ZNF407: variants seen among roughly 807,000 people sequenced by gnomAD.
The protein encoded by ZNF407 is zinc finger protein 407.
In ZNF407, 17 loss-of-function variants were observed where a neutral mutation model predicts 131.2. The ratio of observed to expected loss-of-function variants is 0.13; its 90% CI spans 0.09 to 0.19. The LOEUF (loss-of-function observed/expected upper bound fraction) is 0.19, where lower values mean the gene tolerates loss of function less well. ZNF407 is among the 10% of genes least tolerant of loss of function. ZNF407 has a pLI of 1.00. For synonymous variants in ZNF407, 1,156 were observed against 1,062.0 expected (o/e 1.09, Z -1.72); for missense variants, 2,681 against 2,830.6 (o/e 0.95, Z 1.20).
chr18:74,830,648 A>G (rs1396831995), intron 4 of ZNF407, among the ~76,000 whole-genome samples: 3 of 152,174 alleles, frequency 2.0e-5, no homozygotes, highest in Non-Finnish European at 2.9e-5. Context: ...GATGTAATGT[A>G]TGGCGTATGT....
At chr18:74,712,006 C>T (rs904830638) in intron 3 of ZNF407, among the ~76,000 whole-genome samples, 2 of 152,122 alleles carry the variant, frequency 1.3e-5, no homozygotes, top group East Asian at 1.9e-4. Flanking sequence ...CACTGCCTCC[C>T]GCCCTTATTA....
intron 8 of ZNF407, among the ~76,000 whole-genome samples, chr18:75,006,811 A>G (rs149877841): frequency 1.0e-3 from 153 of 152,238 alleles, no homozygotes; most frequent in African/African-American, 3.0e-3. Context: ...GTTTTTTACT[A>G]CAAGTGTGAT....
chr18:74,841,068 C>G (rs1970625908), intron 4 of ZNF407, among the ~76,000 whole-genome samples: 1 of 152,266 alleles, frequency 6.6e-6, no homozygotes, highest in South Asian at 2.1e-4. Context: ...CTCTCCTGCA[C>G]TGCTCCGGTG....
At chr18:74,649,521 A>G (rs144305350) in intron 3 of ZNF407, among the ~76,000 whole-genome samples, 1 of 152,356 alleles carries the variant, frequency 6.6e-6, no homozygotes, top group East Asian at 1.9e-4. Context: ...AAAAATTGGA[A>G]TGTGTTTAAA....
At chr18:74,649,016 TC>T (rs1341680194) in intron 3 of ZNF407, among the ~76,000 whole-genome samples, 1 of 152,316 alleles carries the variant, frequency 6.6e-6, no homozygotes, top group East Asian at 1.9e-4. Flanking sequence ...GTCTCCTCTT[TC>T]CCCTGCCTTA....
intron 3 of ZNF407, among the ~76,000 whole-genome samples, chr18:74,696,567 G>T (rs902017678): frequency 6.6e-6 from 1 of 152,138 alleles, no homozygotes; most frequent in African/African-American, 2.4e-5. Flanking sequence ...ATGCCTCCAC[G>T]GAACTTTTCT....
chr18:74,700,713 TAGGAG>T (rs1483742751), intron 3 of ZNF407, among the ~76,000 whole-genome samples: 8 of 152,234 alleles, frequency 5.3e-5, no homozygotes, highest in African/African-American at 1.9e-4. Flanking sequence ...ATACTCATTT[TAGGAG>T]AGGAGAGAAG....
chr18:74,632,292 A>C lies in ZNF407; in HGVS notation c.1273A>C (p.Asn425His), dbSNP rs547761211. 4.3e-6 allele frequency: 7 copies of C among 1,613,944 alleles called. No homozygotes were observed. The East Asian group carries it at 1.6e-4, about 36-fold the overall frequency. The change falls in exon 2 of 9, where the codon AAT becomes CAT. Residue 425 changes from asparagine (N) to histidine (H), a missense_variant. This residue lies in a region of ZNF407 where 1,789 missense variants were observed against 1,748.7 expected (regional missense o/e 1.02). Coordinates refer to ENST00000299687, the MANE Select transcript of ZNF407 (RefSeq NM_017757.3). ...TGAGCGAAATATTCTCGTGTTGGGT[A>C]ATAGCTTTCGTCGACGAAGCAGCAC... ...RPERNILVLGNSFRRRSSTFT... is the reference protein window; with the variant it reads ...RPERNILVLGHSFRRRSSTFT...
At chr18:74,685,404 T>C (rs1242929154) in intron 3 of ZNF407, among the ~76,000 whole-genome samples, 1 of 152,202 alleles carries the variant, frequency 6.6e-6, no homozygotes, top group Admixed American at 6.5e-5. Flanking sequence ...GTCTTCCTTC[T>C]CCTATTACTG....
intron 8 of ZNF407, among the ~76,000 whole-genome samples, chr18:74,976,743 A>G (rs935168976): frequency 5.3e-5 from 8 of 152,226 alleles, no homozygotes; most frequent in Non-Finnish European, 1.0e-4. Context: ...CCTTCGGAGC[A>G]CTGTGCTTTC....
At chr18:74,885,643 G>A (rs1971298809) in intron 6 of ZNF407, among the ~76,000 whole-genome samples, 1 of 152,158 alleles carries the variant, frequency 6.6e-6, no homozygotes, top group Non-Finnish European at 1.5e-5. Flanking sequence ...GTTTATTAGT[G>A]GAAGAGAATG....
At chr18:75,040,184 T>G (rs1973356895) in intron 8 of ZNF407, among the ~76,000 whole-genome samples, 1 of 152,132 alleles carries the variant, frequency 6.6e-6, no homozygotes, top group Non-Finnish European at 1.5e-5. Context: ...TTTGATCACG[T>G]GGAGTGATGT....
In ZNF407 at chr18:75,037,864, G is replaced by A. The variant is rs143260214; in HGVS notation, c.5429-25286G>A. Among the ~76,000 whole-genome samples, 21 of 152,244 alleles carry A rather than the reference G, an allele frequency of 1.4e-4. No individual in the cohort carries two copies. The East Asian group carries it at 2.5e-3, about 18-fold the overall frequency. ...AATGTGTCCCTTCTCAGGGGGGCAC[G>A]TGCTCATTGCTCTTCCCTGGTAATT... On this transcript the variant is annotated intron_variant, in intron 8 of 8. Transcript: ENST00000299687.
intron 7 of ZNF407, among the ~76,000 whole-genome samples, chr18:74,911,452 C>T (rs1971669273): frequency 6.6e-6 from 1 of 152,198 alleles, no homozygotes; most frequent in African/African-American, 2.4e-5. Flanking sequence ...CCAACCCATA[C>T]AGATATGTGG....
chr18:74,788,883 C>G (rs1461313425), intron 4 of ZNF407, among the ~76,000 whole-genome samples: 2 of 150,632 alleles, frequency 1.3e-5, no homozygotes, highest in Non-Finnish European at 3.0e-5. Context: ...TTAGGAAATA[C>G]TGATTATTAT....
chr18:75,056,118 G>A (rs1359596718), intron 8 of ZNF407, among the ~76,000 whole-genome samples: 1 of 152,174 alleles, frequency 6.6e-6, no homozygotes, highest in Non-Finnish European at 1.5e-5. Flanking sequence ...TAATTATTAT[G>A]CTATGATATG....
chr18:74,729,209 T>G (rs1305988915), intron 3 of ZNF407, among the ~76,000 whole-genome samples: 1 of 152,210 alleles, frequency 6.6e-6, no homozygotes, highest in African/African-American at 2.4e-5. Context: ...GGAGTGATGG[T>G]CCGTGGAAGA....
intron 4 of ZNF407, among the ~76,000 whole-genome samples, chr18:74,820,820 G>A (rs1970330164): frequency 6.6e-6 from 1 of 152,040 alleles, no homozygotes. Context: ...CACGAAAATG[G>A]GGCATCACCT....
chr18:74,647,372 A>T (rs1985019234), intron 3 of ZNF407, among the ~76,000 whole-genome samples: 1 of 152,124 alleles, frequency 6.6e-6, no homozygotes, highest in Non-Finnish European at 1.5e-5. Flanking sequence ...CGAGCCCAGG[A>T]GTTTGAGGCT....
Sources: gnomAD v4.1 joint callset for allele counts (sites outside exome capture counted in the v4.1 genomes callset) on GRCh38, gnomAD v4.1.1 for gene constraint, gnomAD v4.1.1 regional missense constraint, MANE v1.5 for transcripts, NCBI Gene and HGNC (gene_info 2026-07-23, HGNC 2026-07-21) for gene names.